Variants in ASIC2 observed in about 807,000 individuals in gnomAD.
The protein encoded by ASIC2 is acid sensing ion channel subunit 2.
In ASIC2, 25 loss-of-function variants were observed where a neutral mutation model predicts 57.3. That is an observed-to-expected ratio of 0.44 (90% CI 0.32 to 0.61). The LOEUF (loss-of-function observed/expected upper bound fraction) is 0.61, where lower values mean the gene tolerates loss of function less well. Ranked by LOEUF, ASIC2 falls within the 20% of genes least tolerant of loss-of-function variation. The pLI is 0.06. For synonymous variants in ASIC2, 319 were observed against 307.5 expected (o/e 1.04, Z -0.39); for missense variants, 641 against 738.1 (o/e 0.87, Z 1.52).
At chr17:33,599,237 T>C (rs900237083) in intron 1 of ASIC2, among the ~76,000 whole-genome samples, 7 of 152,226 alleles carry the variant, frequency 4.6e-5, no homozygotes, top group Non-Finnish European at 4.4e-5. Context: ...GAAGCTGTGC[T>C]TGCTAAGAAC....
At chr17:33,406,102 C>G (rs766189048) in intron 1 of ASIC2, among the ~76,000 whole-genome samples, 1 of 152,158 alleles carries the variant, frequency 6.6e-6, no homozygotes, top group Non-Finnish European at 1.5e-5. Context: ...CACTCTGGCT[C>G]TGGTGTGCCC....
intron 1 of ASIC2, among the ~76,000 whole-genome samples, chr17:33,933,674 A>T (rs2141973417): frequency 6.6e-6 from 1 of 152,360 alleles, no homozygotes; most frequent in Middle Eastern, 3.4e-3. Context: ...TAAAACCAAG[A>T]GAAAAAGGCC....
rs537916436 is a variant in ASIC2, at chr17:34,038,859, G to A, written c.555+117119C>T. The A allele has an allele frequency of 4.0e-5, 65 of 1,612,362 alleles. 1 individual carries two copies. In the South Asian group the frequency reaches 5.1e-4, roughly 13 times the overall value. ...GGTTTCCGCTTTGCTAACATTTTCC[G>A]TTGTCTTTCTATCTCTTCCCTCTGT... On this transcript the variant is annotated intron_variant, in intron 1 of 9. Transcript: ENST00000359872.
rs117114311 is a variant in ASIC2, at chr17:33,320,686, C to T, written c.556-208619G>A. On this transcript the variant is annotated intron_variant, in intron 1 of 9. Coordinates refer to the ASIC2 transcript ENST00000359872. ...GCTTTCCTATGTGGAACTCTTAAGC[C>T]ATGATGTGTCTGTTCTCTATTGGAG... Among the ~76,000 whole-genome samples, 51 of 152,248 alleles carry T rather than the reference C, an allele frequency of 3.3e-4. No homozygotes were observed. In the East Asian group the frequency reaches 9.5e-3, roughly 28 times the overall value.
intron 1 of ASIC2, among the ~76,000 whole-genome samples, chr17:33,585,540 A>T (rs1208083715): frequency 1.3e-5 from 2 of 152,124 alleles, no homozygotes; most frequent in Non-Finnish European, 2.9e-5. Context: ...TGTTTTTGTG[A>T]TTACCACAGA....
chr17:34,130,806 T>A (rs1049595754), intron 1 of ASIC2, among the ~76,000 whole-genome samples: 5 of 152,206 alleles, frequency 3.3e-5, no homozygotes, highest in Non-Finnish European at 7.3e-5. Flanking sequence ...AACAAATGCT[T>A]TTTGAAATGA....
intron 1 of ASIC2, among the ~76,000 whole-genome samples, chr17:33,766,188 T>C (rs1318114847): frequency 6.6e-6 from 1 of 152,210 alleles, no homozygotes; most frequent in Non-Finnish European, 1.5e-5. Flanking sequence ...TTTATTGCAG[T>C]ATATTGTTAT....
chr17:34,150,307 A>G (rs1216959763), intron 1 of ASIC2, among the ~76,000 whole-genome samples: 1 of 152,204 alleles, frequency 6.6e-6, no homozygotes, highest in East Asian at 1.9e-4. Context: ...AGACAAGCCC[A>G]GGAAATCTAT....
chr17:33,372,286 G>A (rs775405836), intron 1 of ASIC2, among the ~76,000 whole-genome samples: 3 of 152,020 alleles, frequency 2.0e-5, no homozygotes, highest in Non-Finnish European at 2.9e-5. Context: ...CAGAAGTACA[G>A]TGGGGCTTCT....
chr17:33,932,443 C>T (rs1421039412), intron 1 of ASIC2, among the ~76,000 whole-genome samples: 2 of 151,868 alleles, frequency 1.3e-5, no homozygotes, highest in African/African-American at 4.8e-5. Flanking sequence ...GTGGCTCATG[C>T]CTGTAATCCC....
chr17:33,386,185 T>A (rs1490185976), intron 1 of ASIC2, among the ~76,000 whole-genome samples: 2 of 152,296 alleles, frequency 1.3e-5, no homozygotes, highest in East Asian at 3.9e-4. Flanking sequence ...CCCAAATATA[T>A]GCAGCTTCAA....
intron 1 of ASIC2, among the ~76,000 whole-genome samples, chr17:33,588,570 G>T (rs192103246): frequency 1.3e-5 from 2 of 152,284 alleles, no homozygotes; most frequent in South Asian, 2.1e-4. Flanking sequence ...TGCTGGGAGG[G>T]TAGCACTCCT....
At chr17:33,092,640 C>T (rs902662946) in intron 2 of ASIC2, among the ~76,000 whole-genome samples, 6 of 152,180 alleles carry the variant, frequency 3.9e-5, no homozygotes, top group Admixed American at 3.9e-4. Context: ...AAGTGACTTG[C>T]CCAAGGTCAG....
chr17:33,922,623 T>C (rs1009970563), intron 1 of ASIC2, among the ~76,000 whole-genome samples: 1 of 152,220 alleles, frequency 6.6e-6, no homozygotes, highest in Admixed American at 6.5e-5. Flanking sequence ...TCAGGCTCTA[T>C]ACTATATGTT....
intron 1 of ASIC2, among the ~76,000 whole-genome samples, chr17:33,638,391 A>C (rs1906439980): frequency 6.6e-6 from 1 of 152,218 alleles, no homozygotes; most frequent in South Asian, 2.1e-4. Flanking sequence ...GTGAGGATAG[A>C]AGCAAGATGG....
At chr17:34,149,427 G>A (rs1402513185) in intron 1 of ASIC2, among the ~76,000 whole-genome samples, 1 of 152,154 alleles carries the variant, frequency 6.6e-6, no homozygotes, top group Non-Finnish European at 1.5e-5. Flanking sequence ...AATGGGACAA[G>A]TCATCCCAAT....
At chr17:33,532,970 A>G (rs1915099662) in intron 1 of ASIC2, among the ~76,000 whole-genome samples, 1 of 152,208 alleles carries the variant, frequency 6.6e-6, no homozygotes. Flanking sequence ...AGATTGCCAT[A>G]TGCCATATGA....
intron 1 of ASIC2, among the ~76,000 whole-genome samples, chr17:34,124,929 T>G (rs138270011): frequency 5.3e-5 from 8 of 150,830 alleles, no homozygotes; most frequent in Non-Finnish European, 1.0e-4. Flanking sequence ...CAACATGTAG[T>G]CCATAAAAAT....
chr17:33,296,972 T>C (rs1163900398), upstream of ASIC2, among the ~76,000 whole-genome samples: 1 of 152,258 alleles, frequency 6.6e-6, no homozygotes, highest in African/African-American at 2.4e-5. Flanking sequence ...AACATCTTGC[T>C]GTGTTTAAAG....
Sources: allele counts gnomAD v4.1 joint callset (sites outside exome capture counted in the v4.1 genomes callset), GRCh38; gene constraint gnomAD v4.1.1; transcripts MANE v1.5; gene names NCBI Gene and HGNC (gene_info 2026-07-23, HGNC 2026-07-21).